The following ZNF469 variants were observed in gnomAD, a reference collection of about 807,000 sequenced individuals.
ZNF469 encodes the protein zinc finger protein 469.
ZNF469 carries 1 observed loss-of-function variant against 1.0 expected under a neutral mutation model. The observed-to-expected ratio is 1.00, with a 90% CI of 0.35 to 4.73. The LOEUF is 4.73. Among genes scored for constraint, ZNF469 ranks in the 30% most tolerant of loss-of-function variants. The probability of loss-of-function intolerance (pLI) is 0.16; values close to 1 mark genes in which losing one functional copy is unlikely to be tolerated. For synonymous variants in ZNF469, 2,703 were observed against 2,363.4 expected, an observed-to-expected ratio of 1.14 and a Z score of -4.17; for missense variants, 6,100 against 5,356.3, an observed-to-expected ratio of 1.14 and a Z score of -4.33.
chr16:88,393,441 C>G (rs1904544901), intron 1 of ZNF469, among the ~76,000 whole-genome samples: 2 of 152,216 alleles, frequency 1.3e-5, no homozygotes, highest in South Asian at 4.1e-4. Flanking sequence ...GGACCGGTGC[C>G]TGGGGAATAA....
the ZNF469 span, among the ~76,000 whole-genome samples, chr16:88,284,206 C>G: frequency 6.6e-6 from 1 of 151,882 alleles, no homozygotes; most frequent in African/African-American, 2.4e-5. Context: ...GCTGGTAGAC[C>G]CTGAGTGCCC....
At chr16:88,137,523 A>T in the ZNF469 span, among the ~76,000 whole-genome samples, 1 of 149,008 alleles carries the variant, frequency 6.7e-6, no homozygotes, top group African/African-American at 2.4e-5. Context: ...CCACACATGC[A>T]TGCAACCACA....
At chr16:88,410,561 C>A (rs1428971301) in intron 1 of ZNF469, among the ~76,000 whole-genome samples, 1 of 149,380 alleles carries the variant, frequency 6.7e-6, no homozygotes, top group Non-Finnish European at 1.5e-5. Flanking sequence ...ACGGTGACGT[C>A]TATGATGCTG....
At chr16:88,173,926 AAAG>A in the ZNF469 span, among the ~76,000 whole-genome samples, 1 of 152,224 alleles carries the variant, frequency 6.6e-6, no homozygotes, top group Non-Finnish European at 1.5e-5. Flanking sequence ...TGAAAAAAGG[AAAG>A]AAGAAAGAAA....
Position 88,383,245 on chromosome 16 carries a change from C to T in ZNF469, c.-201C>T, listed in dbSNP as rs1481585692. Among the ~76,000 whole-genome samples, 1 of 147,076 alleles carries T rather than the reference C, an allele frequency of 6.8e-6. No homozygotes were observed. Among genetic ancestry groups the T allele is most frequent in the African/African-American group, 2.4e-5 (1 of 40,914 alleles). ...CCGGCGTGGCGGGCGGAGCGGGCCT[C>T]GGAGCGGAGGTGAGTGCGGATGCGC... On this transcript the variant is annotated 5_prime_UTR_variant, in exon 1 of 3. Transcript: ENST00000565624.
the ZNF469 span, among the ~76,000 whole-genome samples, chr16:88,186,731 C>G: frequency 6.6e-6 from 1 of 152,216 alleles, no homozygotes; most frequent in Non-Finnish European, 1.5e-5. Flanking sequence ...TGCATGTGTG[C>G]AAGCCGCTCC....
chr16:88,107,484 C>T, the ZNF469 span, among the ~76,000 whole-genome samples: 27 of 152,196 alleles, frequency 1.8e-4, no homozygotes, highest in African/African-American at 2.4e-4. Flanking sequence ...ATTCAGTCAC[C>T]GCCCCCTGGG....
the ZNF469 span, among the ~76,000 whole-genome samples, chr16:88,104,135 G>A: frequency 1.4e-4 from 21 of 151,928 alleles, no homozygotes; most frequent in African/African-American, 4.8e-4. Context: ...TGAAAAATTG[G>A]GACATCAGAG....
chr16:88,426,929 G>GCTGCCAGGACC (rs1567508272), intron 2 of ZNF469, among the ~76,000 whole-genome samples: 1 of 152,120 alleles, frequency 6.6e-6, no homozygotes, highest in East Asian at 1.9e-4. Flanking sequence ...CCTCCTGGAC[G>GCTGCCAGGACC]CTGCCAGGAC....
the ZNF469 span, among the ~76,000 whole-genome samples, chr16:88,203,325 C>T: frequency 2.6e-5 from 4 of 152,176 alleles, no homozygotes; most frequent in Non-Finnish European, 4.4e-5. Context: ...TCCGCCCGCT[C>T]TGTGCCCAGG....
the ZNF469 span, among the ~76,000 whole-genome samples, chr16:88,213,158 G>A: frequency 1.3e-5 from 2 of 151,934 alleles, no homozygotes; most frequent in East Asian, 3.9e-4. Flanking sequence ...GAGTGCAGTG[G>A]CACCATCTTG....
Position 88,392,167 on chromosome 16 carries a change from G to A in ZNF469, c.-192+8913G>A, listed in dbSNP as rs558864368. ...ATTCCACCATGTGATTGATACAAAC[G>A]TCAGTGAGTTCACATTCTCCTTGCT... On this transcript the variant is annotated intron_variant, in intron 1 of 2. Coordinates refer to ENST00000565624, the MANE Select transcript of ZNF469 (RefSeq NM_001367624.2). Among the ~76,000 whole-genome samples, 9 of 152,374 alleles carry A rather than the reference G, an allele frequency of 5.9e-5. No individual in the cohort carries two copies. In the East Asian group the frequency reaches 1.5e-3, roughly 26 times the overall value.
At chr16:88,336,150 T>C in the ZNF469 span, among the ~76,000 whole-genome samples, 1 of 150,136 alleles carries the variant, frequency 6.7e-6, no homozygotes, top group African/African-American at 2.5e-5. Flanking sequence ...ATCCTTCACG[T>C]GAGACACTAA....
intron 1 of ZNF469, among the ~76,000 whole-genome samples, chr16:88,395,497 G>A (rs35314514): frequency 0.3 from 45,288 of 151,884 alleles, 7,103 homozygotes; most frequent in Non-Finnish European, 0.35. Context: ...TTGTATATAT[G>A]TACAAATATA....
the ZNF469 span, among the ~76,000 whole-genome samples, chr16:88,350,861 A>C: frequency 1.3e-5 from 2 of 152,208 alleles, no homozygotes; most frequent in Non-Finnish European, 2.9e-5. Flanking sequence ...TCCCCAAGAG[A>C]AAAGATTCTC....
At chr16:88,376,612 A>C in the ZNF469 span, among the ~76,000 whole-genome samples, 122 of 152,332 alleles carry the variant, frequency 8.0e-4, 2 homozygotes, top group Non-Finnish European at 2.5e-4. Flanking sequence ...CATTAGAAGG[A>C]TTCCCATTTT....
Position 88,436,938 on chromosome 16 carries a change from G to A in ZNF469, c.9468G>A (p.Arg3156=). 1 of 1,493,066 alleles carries A rather than the reference G, an allele frequency of 6.7e-7. No individual in the cohort carries two copies. The highest frequency in any genetic ancestry group is 8.9e-7 in the Non-Finnish European group (1 of 1,122,766). The allele number at this position is 1,493,066 out of a possible 1,614,324, so 92.5% of individuals were successfully genotyped here. A position where few individuals can be genotyped will look rare whatever the true frequency, so the allele number is the denominator to read the frequency against. ...YMCVERRFGS[R]ELLRGHLQER... is the part of the protein sequence containing the mutation. ...GCGTGGAGCGCAGGTTTGGCTCGCG[G>A]GAGCTGCTGCGGGGGCACCTGCAGG... The change falls in exon 3 of 3, where the codon CGG becomes CGA. Residue 3156 remains arginine (R), a synonymous_variant. Transcript: ENST00000565624.
the ZNF469 span, among the ~76,000 whole-genome samples, chr16:88,327,022 C>T: frequency 2.0e-5 from 3 of 152,230 alleles, no homozygotes; most frequent in South Asian, 4.1e-4. Flanking sequence ...AGGGCGGCCC[C>T]GCCTCTCTGA....
chr16:88,409,508 G>A (rs1905089215), intron 1 of ZNF469, among the ~76,000 whole-genome samples: 1 of 152,164 alleles, frequency 6.6e-6, no homozygotes, highest in Non-Finnish European at 1.5e-5. Context: ...ACGTGCTCAG[G>A]GCAGCAGCCG....
Sources: gnomAD v4.1 joint callset for allele counts (sites outside exome capture counted in the v4.1 genomes callset) on GRCh38, gnomAD v4.1.1 for gene constraint, MANE v1.5 for transcripts, NCBI Gene and HGNC (gene_info 2026-07-23, HGNC 2026-07-21) for gene names.